CLMP: variants seen among roughly 807,000 people sequenced by gnomAD.
CLMP encodes CXADR-like membrane protein.
Under a neutral mutation model 45.2 loss-of-function variants are expected in CLMP, and 27 were observed. The observed-to-expected ratio is 0.60, with a 90% CI of 0.44 to 0.82. The LOEUF (loss-of-function observed/expected upper bound fraction) is 0.82, where lower values mean the gene tolerates loss of function less well. Among genes scored for constraint, CLMP ranks in the 40% least tolerant of loss-of-function variants. The pLI is 0.00. For missense variants in CLMP, 403 were observed against 448.4 expected, an observed-to-expected ratio of 0.90 and a Z score of 0.91; for synonymous variants, 167 against 171.4, an observed-to-expected ratio of 0.97 and a Z score of 0.20.
At chr11:123,168,740 T>C (rs1037944802) in intron 1 of CLMP, among the ~76,000 whole-genome samples, 1 of 152,196 alleles carries the variant, frequency 6.6e-6, no homozygotes, top group African/African-American at 2.4e-5. Context: ...GCTGATTATG[T>C]GAGGTGGATG....
intron 5 of CLMP, among the ~76,000 whole-genome samples, chr11:123,079,293 C>T (rs1400431148): frequency 6.6e-6 from 1 of 152,036 alleles, no homozygotes; most frequent in Non-Finnish European, 1.5e-5. Flanking sequence ...AATATAGATT[C>T]TACAGTTTTT....
intron 1 of CLMP, among the ~76,000 whole-genome samples, chr11:123,193,796 T>G (rs1861940696): frequency 6.6e-6 from 1 of 152,154 alleles, no homozygotes; most frequent in Non-Finnish European, 1.5e-5. Context: ...GTATTCTCTT[T>G]CCAGAGCTAA....
intron 1 of CLMP, among the ~76,000 whole-genome samples, chr11:123,128,498 C>A (rs1860934736): frequency 6.6e-6 from 1 of 151,856 alleles, no homozygotes; most frequent in Admixed American, 6.6e-5. Context: ...CTTGCCTCTA[C>A]CAAAAATAAA....
chr11:123,148,040 T>TGCAA (rs1205895126), intron 1 of CLMP, among the ~76,000 whole-genome samples: 11 of 152,218 alleles, frequency 7.2e-5, no homozygotes, highest in Non-Finnish European at 1.2e-4. Context: ...CTTACCTAGA[T>TGCAA]GCAAGTTACT....
chr11:123,108,840 G>A (rs563955332), intron 1 of CLMP, among the ~76,000 whole-genome samples: 1 of 151,968 alleles, frequency 6.6e-6, no homozygotes, highest in South Asian at 2.1e-4. Context: ...GATCACCTGA[G>A]GTCGGGAGTT....
chr11:123,080,620 C>T (rs1408728918), intron 5 of CLMP, among the ~76,000 whole-genome samples: 1 of 152,040 alleles, frequency 6.6e-6, no homozygotes, highest in Non-Finnish European at 1.5e-5. Flanking sequence ...AGCCACTGCG[C>T]CTCGACAAAG....
At chr11:123,151,650 T>C (rs1225951637) in intron 1 of CLMP, among the ~76,000 whole-genome samples, 2 of 152,232 alleles carry the variant, frequency 1.3e-5, no homozygotes, top group Admixed American at 6.5e-5. Context: ...GTGAAAGACA[T>C]GTGGGAACAG....
At chr11:123,121,833 A>C (rs78402257) in intron 1 of CLMP, among the ~76,000 whole-genome samples, 1 of 151,948 alleles carries the variant, frequency 6.6e-6, no homozygotes, top group Non-Finnish European at 1.5e-5. Flanking sequence ...TTTCTCTTTC[A>C]CCTTTATTTC....
chr11:123,090,651 A>G (rs1173138691), intron 2 of CLMP, among the ~76,000 whole-genome samples: 1 of 152,146 alleles, frequency 6.6e-6, no homozygotes, highest in Admixed American at 6.6e-5. Flanking sequence ...TATCATTTTT[A>G]TTAGCCTGGT....
chr11:123,092,203 T>C (rs1182332490), intron 2 of CLMP, among the ~76,000 whole-genome samples: 1 of 152,120 alleles, frequency 6.6e-6, no homozygotes, highest in East Asian at 1.9e-4. Flanking sequence ...GCTACCATAG[T>C]GCACAGTACG....
At position 123,121,133 on chromosome 11, in the gene CLMP, A is replaced by G. The variant is rs187976430; in HGVS notation, c.29-23181T>C. Among the ~76,000 whole-genome samples, 653 of 151,718 alleles carry G rather than the reference A, an allele frequency of 4.3e-3. 6 individuals are homozygous for G. Among genetic ancestry groups the G allele is most frequent in the African/African-American group, 0.015 (615 of 41,370 alleles). On this transcript the variant is annotated intron_variant, in intron 1 of 6. Transcript: ENST00000448775. ...CAGAGCGAGACTCCGTCTCAAAAAA[A>G]AAAAAAAAAAAAAGCTGTTTGGATA...
intron 1 of CLMP, among the ~76,000 whole-genome samples, chr11:123,106,424 T>TGTGTGTGC (rs1207028812): frequency 1.4e-4 from 13 of 90,858 alleles, no homozygotes; most frequent in East Asian, 1.4e-3. Context: ...TGTGTGTGTG[T>TGTGTGTGC]GCGCGCGCGC....
chr11:123,109,059 CAAAAAAAA>C (rs776811883), intron 1 of CLMP, among the ~76,000 whole-genome samples: 91 of 64,262 alleles, frequency 1.4e-3, no homozygotes, highest in Non-Finnish European at 1.8e-3. Context: ...AACTCTGTCT[CAAAAAAAA>C]AAAAAAAAAA....
chr11:123,149,880 C>T (rs966631364), intron 1 of CLMP, among the ~76,000 whole-genome samples: 1 of 151,392 alleles, frequency 6.6e-6, no homozygotes, highest in African/African-American at 2.4e-5. Context: ...GGTGCAATCT[C>T]ACCTCACTGC....
At chr11:123,172,932 C>T (rs1429555561) in intron 1 of CLMP, among the ~76,000 whole-genome samples, 1 of 152,132 alleles carries the variant, frequency 6.6e-6, no homozygotes, top group Non-Finnish European at 1.5e-5. Flanking sequence ...TGTTTGCACC[C>T]CACTAATAAT....
At chr11:123,150,609 G>GGAAGGAAGGAAGGAAT (rs1565397784) in intron 1 of CLMP, among the ~76,000 whole-genome samples, 1 of 94,674 alleles carries the variant, frequency 1.1e-5, no homozygotes, top group East Asian at 3.8e-4. Flanking sequence ...AAGGAATGAA[G>GGAAGGAAGGAAGGAAT]GAAGGAAGGA....
intron 1 of CLMP, among the ~76,000 whole-genome samples, chr11:123,142,762 G>C (rs1419816556): frequency 7.2e-6 from 1 of 139,722 alleles, no homozygotes; most frequent in East Asian, 2.1e-4. Context: ...GAGTAGCTGG[G>C]ACTACAGGCG....
chr11:123,075,375 A>G (rs1041696435), intron 5 of CLMP, among the ~76,000 whole-genome samples: 5 of 149,810 alleles, frequency 3.3e-5, no homozygotes, highest in Non-Finnish European at 7.4e-5. Flanking sequence ...GCAAGTGGCC[A>G]GGGTTTTTGT....
chr11:123,090,274 A>G (rs1158771244), intron 2 of CLMP, among the ~76,000 whole-genome samples: 1 of 133,636 alleles, frequency 7.5e-6, no homozygotes, highest in Non-Finnish European at 1.6e-5. Context: ...CGAAACCCCC[A>G]TCTCCACTAA....
Sources: allele counts gnomAD v4.1 joint callset (sites outside exome capture counted in the v4.1 genomes callset), GRCh38; gene constraint gnomAD v4.1.1; transcripts MANE v1.5; gene names NCBI Gene and HGNC (gene_info 2026-07-23, HGNC 2026-07-21).